PDXDC1: variants seen among roughly 807,000 people sequenced by gnomAD.
PDXDC1 encodes the protein pyridoxal dependent decarboxylase domain containing 1, also known as pyridoxal-dependent decarboxylase domain-containing protein 1.
A neutral mutation model predicts 100.1 loss-of-function variants in PDXDC1; 42 were observed. That is an observed-to-expected ratio of 0.42 (90% confidence interval 0.33 to 0.54). The LOEUF is 0.54. Among genes scored for constraint, PDXDC1 ranks in the 20% least tolerant of loss-of-function variants. The probability of loss-of-function intolerance (pLI) is 0.10; values close to 1 mark genes in which losing one functional copy is unlikely to be tolerated. For missense variants in PDXDC1, 636 were observed against 979.2 expected, an observed-to-expected ratio of 0.65 and a Z score of 4.68; for synonymous variants, 260 against 371.7, an observed-to-expected ratio of 0.70 and a Z score of 3.46.
chr16:15,031,371 TTC>T (rs1229073040), intron 16 of PDXDC1, among the ~76,000 whole-genome samples: 6 of 152,258 alleles, frequency 3.9e-5, no homozygotes, highest in African/African-American at 1.4e-4. Context: ...GTACTTCCCT[TTC>T]TCTCAGTCAT....
At chr16:15,012,495 A>G (rs2041397399) in intron 8 of PDXDC1, among the ~76,000 whole-genome samples, 1 of 152,300 alleles carries the variant, frequency 6.6e-6, no homozygotes, top group African/African-American at 2.4e-5. Context: ...GATGTTTAAC[A>G]TCATTAGTCA....
intron 16 of PDXDC1, among the ~76,000 whole-genome samples, chr16:15,055,516 G>A (rs1480816242): frequency 6.6e-6 from 1 of 152,238 alleles, no homozygotes; most frequent in African/African-American, 2.4e-5. Context: ...ACCGCAGGCT[G>A]CGGGTCCCCG....
At chr16:15,062,487 C>G (rs1445261309) in intron 16 of PDXDC1, among the ~76,000 whole-genome samples, 1 of 152,220 alleles carries the variant, frequency 6.6e-6, no homozygotes, top group East Asian at 1.9e-4. Flanking sequence ...TCCCAAGCAA[C>G]AGAGCAGCGA....
At chr16:14,982,061 C>T (rs1254545348) in intron 1 of PDXDC1, among the ~76,000 whole-genome samples, 2 of 152,284 alleles carry the variant, frequency 1.3e-5, no homozygotes, top group Non-Finnish European at 2.9e-5. Context: ...AACTCTGTAC[C>T]TCAGGTGGGC....
intron 16 of PDXDC1, among the ~76,000 whole-genome samples, chr16:15,063,028 G>C (rs1299661699): frequency 1.3e-5 from 2 of 152,156 alleles, no homozygotes; most frequent in East Asian, 1.9e-4. Context: ...AATTTTTGTA[G>C]AAACAGGGTG....
intron 16 of PDXDC1, chr16:15,104,749 C>G (rs1336712691): frequency 2.9e-5 from 47 of 1,596,878 alleles, no homozygotes; most frequent in Non-Finnish European, 4.0e-5. Flanking sequence ...TCCGCTGCCG[C>G]CATTCTGACC....
chr16:15,101,803 G>A (rs1241655288), intron 16 of PDXDC1, among the ~76,000 whole-genome samples: 2 of 150,206 alleles, frequency 1.3e-5, no homozygotes, highest in Admixed American at 6.7e-5. Context: ...AGCCTCCCAA[G>A]TAGCTAGGAC....
At chr16:15,146,010 C>T in the PDXDC1 span, among the ~76,000 whole-genome samples, 6 of 152,330 alleles carry the variant, frequency 3.9e-5, no homozygotes, top group Middle Eastern at 3.4e-3. Flanking sequence ...AGAGGCACCC[C>T]AAGGTGGGGG....
intron 1 of PDXDC1, chr16:14,990,078 A>G: frequency 9.4e-6 from 14 of 1,493,236 alleles, no homozygotes; most frequent in Non-Finnish European, 1.2e-5. Flanking sequence ...CAGCAGTAGG[A>G]GGCCAAGCAG....
chr16:14,985,509 C>T (rs982534009), intron 1 of PDXDC1, among the ~76,000 whole-genome samples: 5 of 151,882 alleles, frequency 3.3e-5, no homozygotes, highest in African/African-American at 9.7e-5. Context: ...AGGATGGTCT[C>T]CATCTGACCT....
At chr16:15,150,529 C>T in the PDXDC1 span, among the ~76,000 whole-genome samples, 5 of 150,382 alleles carry the variant, frequency 3.3e-5, no homozygotes, top group East Asian at 1.0e-3. Flanking sequence ...ATTAGCCGGG[C>T]GTGGTGGCGC....
At chr16:15,071,770 AAAAC>A (rs961879484) in intron 16 of PDXDC1, among the ~76,000 whole-genome samples, 3 of 152,204 alleles carry the variant, frequency 2.0e-5, no homozygotes, top group African/African-American at 4.8e-5. Context: ...TCCATCTCAA[AAAAC>A]AAACAAACAA....
chr16:15,008,790 C>T lies in PDXDC1; in HGVS notation c.591C>T (p.Pro197=), dbSNP rs758656229. ...GTTTCTTCCTGCAGCTCGGCTTGCCCTTCCCCTGCTTGTGCCGTGTACCCT... is the reference window on the plus strand; with the variant it reads ...GTTTCTTCCTGCAGCTCGGCTTGCCTTTCCCCTGCTTGTGCCGTGTACCCT... ...GQYLCNQLGL[P]FPCLCRVPCN... The change falls in exon 7 of 23, where the codon CCC becomes CCT. Residue 197 remains proline (P), a synonymous_variant. Coordinates refer to ENST00000396410, the MANE Select transcript of PDXDC1 (RefSeq NM_015027.4). 4 of 1,613,798 alleles carry T rather than the reference C, an allele frequency of 2.5e-6. No individual in the cohort carries two copies. Among genetic ancestry groups the T allele is most frequent in the African/African-American group, 1.3e-5 (1 of 74,942 alleles).
At chr16:15,017,255 A>C in intron 10 of PDXDC1, 66 bp from the exon 11 acceptor site, 1 of 1,603,804 alleles carries the variant, frequency 6.2e-7, no homozygotes, top group Non-Finnish European at 8.5e-7. Flanking sequence ...AGTTTTTATG[A>C]ATGGAGGAGG....
chr16:14,985,526 C>T lies in PDXDC1; in HGVS notation c.21+10306C>T, dbSNP rs1969167499. Among the ~76,000 whole-genome samples the T allele has an allele frequency of 2.0e-5, 3 of 152,234 alleles. No individual in the cohort carries two copies. In the East Asian group the frequency reaches 5.8e-4, roughly 29 times the overall value. On this transcript the variant is annotated intron_variant, in intron 1 of 22. Transcript: ENST00000396410. ...GATGGTCTCCATCTGACCTCGTGATCCACCTGCCTCGGCCTCCCAAAGTGC... is the reference window on the plus strand; with the variant it reads ...GATGGTCTCCATCTGACCTCGTGATTCACCTGCCTCGGCCTCCCAAAGTGC...
At chr16:15,104,817 GCCA>G (rs1273465275) in intron 16 of PDXDC1, 1 of 1,526,782 alleles carries the variant, frequency 6.5e-7, no homozygotes, top group African/African-American at 1.4e-5. Flanking sequence ...CAAAATTACC[GCCA>G]CCAACACAGT....
chr16:15,087,913 G>A (rs764046004), intron 16 of PDXDC1, among the ~76,000 whole-genome samples: 6 of 151,970 alleles, frequency 3.9e-5, no homozygotes, highest in Non-Finnish European at 7.4e-5. Flanking sequence ...TTGGGAGTTC[G>A]AGATGAGCCT....
rs1236319563 is a variant in PDXDC1 at position 15,038,200 on chromosome 16, G to C, written c.*1925G>C. On this transcript the variant is annotated 3_prime_UTR_variant, in exon 23 of 23. Coordinates refer to ENST00000396410, the MANE Select transcript of PDXDC1 (RefSeq NM_015027.4). The stretch of plus-strand genomic sequence containing the variant: ...GTGGGGTGGCTCAGCCAGAGGCGAA[G>C]TGGAAAGATTCTGAAAACACAAGAT... 1 of 1,612,456 alleles carries C rather than the reference G, an allele frequency of 6.2e-7. No homozygotes were observed. The highest frequency in any genetic ancestry group is 8.5e-7 in the Non-Finnish European group (1 of 1,179,298).
At chr16:15,041,110 G>A (rs772120982), downstream of PDXDC1, 44 of 1,567,372 alleles carry the variant, frequency 2.8e-5, no homozygotes, top group Middle Eastern at 3.3e-4. Context: ...TTTTCTTCCC[G>A]GTCATTTAAT....
Sources: allele counts gnomAD v4.1 joint callset (sites outside exome capture counted in the v4.1 genomes callset), GRCh38; gene constraint gnomAD v4.1.1; transcripts MANE v1.5; gene names NCBI Gene and HGNC (gene_info 2026-07-23, HGNC 2026-07-21).